IGF2BP2: variants seen among roughly 807,000 people sequenced by gnomAD.
IGF2BP2 encodes insulin like growth factor 2 mRNA binding protein 2.
IGF2BP2 carries 17 observed loss-of-function variants against 75.8 expected under a neutral mutation model. The observed-to-expected ratio is 0.22, with a 90% confidence interval of 0.15 to 0.34. IGF2BP2 has a LOEUF of 0.34. Among genes scored for constraint, IGF2BP2 ranks in the 10% least tolerant of loss-of-function variants. The pLI, the probability that IGF2BP2 is intolerant of heterozygous loss-of-function variation, is 1.00. For missense variants in IGF2BP2, 516 were observed against 772.4 expected, an observed-to-expected ratio of 0.67 and a Z score of 3.93; for synonymous variants, 288 against 295.6, an observed-to-expected ratio of 0.97 and a Z score of 0.26.
intron 2 of IGF2BP2, among the ~76,000 whole-genome samples, chr3:185,761,019 GA>G (rs1732288795): frequency 6.6e-6 from 1 of 151,654 alleles, no homozygotes; most frequent in African/African-American, 2.4e-5. Context: ...TTGAGGGGGG[GA>G]ACCAGTAAAG....
intron 9 of IGF2BP2, among the ~76,000 whole-genome samples, chr3:185,674,062 G>T (rs533441015): frequency 6.6e-6 from 1 of 152,326 alleles, no homozygotes; most frequent in East Asian, 1.9e-4. Flanking sequence ...TGTGACGTGG[G>T]CTGCTAAGGT....
intron 2 of IGF2BP2, among the ~76,000 whole-genome samples, chr3:185,769,811 T>C (rs939067948): frequency 3.7e-5 from 4 of 108,946 alleles, no homozygotes; most frequent in Admixed American, 1.4e-4. Context: ...GCCTGGATGA[T>C]AGAATGAGAC....
intron 7 of IGF2BP2, among the ~76,000 whole-genome samples, chr3:185,684,117 G>T (rs1325042916): frequency 6.6e-6 from 1 of 152,166 alleles, no homozygotes; most frequent in African/African-American, 2.4e-5. Context: ...TCAGAGGATG[G>T]GCATTTTTGT....
intron 3 of IGF2BP2, among the ~76,000 whole-genome samples, chr3:185,697,848 G>A (rs1722781934): frequency 6.6e-6 from 1 of 152,128 alleles, no homozygotes; most frequent in Admixed American, 6.5e-5. Flanking sequence ...GCCGGGCATG[G>A]TGGCATGCAT....
chr3:185,731,967 G>GCGAGACT (rs1728252567), intron 2 of IGF2BP2, among the ~76,000 whole-genome samples: 1 of 151,936 alleles, frequency 6.6e-6, no homozygotes, highest in African/African-American at 2.4e-5. Context: ...GGGCGACAGA[G>GCGAGACT]CGAGACTCCG....
chr3:185,741,265 G>A lies in IGF2BP2; in HGVS notation c.240-42918C>T, dbSNP rs968415463. Among the ~76,000 whole-genome samples the A allele has an allele frequency of 2.6e-5, 4 of 152,144 alleles. No homozygotes were observed. The East Asian group carries it at 5.8e-4, about 22-fold the overall frequency. ...AAATCCTCTCAGAGATAAGTTCAGC[G>A]AGTTATTGATTTTCAAACCTCTTGC... is the stretch of plus-strand genomic sequence containing the variant. On this transcript the variant is annotated intron_variant, in intron 2 of 15. Transcript: ENST00000382199.
chr3:185,795,055 G>T (rs972750674), intron 2 of IGF2BP2, among the ~76,000 whole-genome samples: 3 of 151,786 alleles, frequency 2.0e-5, no homozygotes, highest in Non-Finnish European at 2.9e-5. Context: ...CCACCACCTC[G>T]CCCGGCTACT....
chr3:185,796,748 ACT>A (rs779405130), intron 2 of IGF2BP2, among the ~76,000 whole-genome samples: 7 of 152,064 alleles, frequency 4.6e-5, no homozygotes, highest in Non-Finnish European at 8.8e-5. Flanking sequence ...GTCACGGTTT[ACT>A]CTGAGTCACT....
chr3:185,663,569 G>A (rs974039675), intron 10 of IGF2BP2, among the ~76,000 whole-genome samples: 2 of 152,156 alleles, frequency 1.3e-5, no homozygotes, highest in Admixed American at 1.3e-4. Context: ...AAGCTGCGAT[G>A]TGTGACCATC....
rs771427252 is a variant in IGF2BP2 at position 185,687,207 on chromosome 3, CAGG to C, written c.678-19_678-17del. 1 of 1,594,070 alleles carries C rather than the reference CAGG, an allele frequency of 6.3e-7. No homozygotes were observed. The highest frequency in any genetic ancestry group is 1.1e-5 in the South Asian group (1 of 88,254). On this transcript the variant is annotated splice_polypyrimidine_tract_variant and intron_variant, in intron 6 of 15. Coordinates refer to ENST00000382199, the MANE Select transcript of IGF2BP2 (RefSeq NM_006548.6). ...GATATCTACCCTGTAGGAAAAGAATCAGGAGCCATGATTACAAGGTCATCTGGA... is the reference window on the plus strand; with the variant it reads ...GATATCTACCCTGTAGGAAAAGAATCAGCCATGATTACAAGGTCATCTGGA...
chr3:185,723,146 G>C (rs967147834), intron 2 of IGF2BP2, among the ~76,000 whole-genome samples: 4 of 152,194 alleles, frequency 2.6e-5, no homozygotes, highest in Non-Finnish European at 5.9e-5. Context: ...AGTGGGAAAG[G>C]TTTGTGAACA....
chr3:185,778,091 T>C (rs1370365308), intron 2 of IGF2BP2, among the ~76,000 whole-genome samples: 2 of 152,176 alleles, frequency 1.3e-5, no homozygotes, highest in Non-Finnish European at 2.9e-5. Context: ...CATGCATTTG[T>C]ACTACCATCT....
chr3:185,716,816 C>A (rs1262866858), intron 2 of IGF2BP2: 4 of 517,726 alleles, frequency 7.7e-6, no homozygotes, highest in East Asian at 1.1e-4. Context: ...AACTGAGGGG[C>A]CAAAGAGAGG....
intron 13 of IGF2BP2, 123 bp from the exon 14 acceptor site, chr3:185,649,657 C>T (rs1002826974): frequency 1.5e-6 from 2 of 1,346,538 alleles, no homozygotes; most frequent in African/African-American, 2.9e-5. Context: ...CTCCCTGGGA[C>T]ACACAGGAAG....
At chr3:185,771,126 G>A (rs544028860) in intron 2 of IGF2BP2, among the ~76,000 whole-genome samples, 1 of 152,212 alleles carries the variant, frequency 6.6e-6, no homozygotes, top group South Asian at 2.1e-4. Context: ...GAGGGACAAG[G>A]AGGCCTACAA....
chr3:185,706,741 C>CTT lies in IGF2BP2; in HGVS notation c.240-8396_240-8395dup, dbSNP rs768995397. ...TTATCAGATTTCTCAGAGATTCCTT[C>CTT]TTTTTTTTTTTTTTTTGAGACAAGG... On this transcript the variant is annotated intron_variant, in intron 2 of 15. Transcript: ENST00000382199. 3.0e-3 allele frequency among the ~76,000 whole-genome samples: 414 copies of CTT among 139,440 alleles called. 2 individuals are homozygous for CTT. Among genetic ancestry groups the CTT allele is most frequent in the African/African-American group, 0.01 (387 of 38,062 alleles). The allele number at this position is 139,440 out of a possible 152,430, so 91.5% of individuals were successfully genotyped here.
chr3:185,822,783 T>A (rs886083797), intron 2 of IGF2BP2, among the ~76,000 whole-genome samples: 1 of 152,032 alleles, frequency 6.6e-6, no homozygotes, highest in African/African-American at 2.4e-5. Flanking sequence ...ATAGTAAATA[T>A]TTACTCTTCA....
At chr3:185,749,798 T>TA (rs1278987068) in intron 2 of IGF2BP2, among the ~76,000 whole-genome samples, 14 of 152,180 alleles carry the variant, frequency 9.2e-5, no homozygotes, top group East Asian at 1.9e-4. Context: ...TGCAGTGTGT[T>TA]AAAAAACGTC....
chr3:185,821,902 T>C (rs1184747030), intron 2 of IGF2BP2, among the ~76,000 whole-genome samples: 1 of 152,122 alleles, frequency 6.6e-6, no homozygotes, highest in African/African-American at 2.4e-5. Flanking sequence ...GAATACCTTA[T>C]TGAAAACCAA....
Sources: allele counts gnomAD v4.1 joint callset (sites outside exome capture counted in the v4.1 genomes callset), GRCh38; gene constraint gnomAD v4.1.1; transcripts MANE v1.5; gene names NCBI Gene and HGNC (gene_info 2026-07-23, HGNC 2026-07-21).